ANK1: variants seen among roughly 807,000 people sequenced by gnomAD.
ANK1 encodes ankyrin-1.
Under a neutral mutation model 210.4 loss-of-function variants are expected in ANK1, and 51 were observed. The ratio of observed to expected loss-of-function variants is 0.24; its 90% CI spans 0.19 to 0.31. ANK1 has a LOEUF of 0.31. Ranked by LOEUF, ANK1 falls within the 10% of genes least tolerant of loss-of-function variation. The pLI is 1.00. For missense variants in ANK1, 2,051 were observed against 2,504.4 expected (o/e 0.82, Z 3.86); for synonymous variants, 967 against 1,025.9 (o/e 0.94, Z 1.10).
rs114810463 is a variant in ANK1 at position 41,831,171 on chromosome 8, C to T, written c.126+65184G>A. ...AAACTATGGACTCGTCATCTGACCT[C>T]TCAAGGCCTCCATTTCCCCATCTGT... is the stretch of plus-strand genomic sequence containing the variant. On this transcript the variant is annotated intron_variant, in intron 1 of 42. Transcript: ENST00000265709. Among the ~76,000 whole-genome samples the T allele has an allele frequency of 4.3e-3, 652 of 152,308 alleles. 3 individuals carry two copies. The highest frequency in any genetic ancestry group is 0.015 in the African/African-American group (638 of 41,576).
At chr8:41,789,236 A>C (rs375028309) in intron 1 of ANK1, 11 of 152,370 alleles carry the variant, frequency 7.2e-5, no homozygotes, top group African/African-American at 2.4e-4. Context: ...TAAAGGTAGG[A>C]AGATCTTCTT....
intron 1 of ANK1, among the ~76,000 whole-genome samples, chr8:41,772,107 C>T (rs1344366183): frequency 6.6e-6 from 1 of 152,212 alleles, no homozygotes; most frequent in Non-Finnish European, 1.5e-5. Context: ...GAGAGAAGGG[C>T]ATCCTGGCAG....
intron 1 of ANK1, among the ~76,000 whole-genome samples, chr8:41,791,327 A>G (rs1586971151): frequency 6.9e-6 from 1 of 145,832 alleles, no homozygotes; most frequent in Admixed American, 7.1e-5. Flanking sequence ...GCCTACCACC[A>G]TGCCTGGCTA....
intron 37 of ANK1, among the ~76,000 whole-genome samples, chr8:41,683,310 T>C (rs72638978): frequency 0.011 from 1,612 of 152,066 alleles, 15 homozygotes; most frequent in Non-Finnish European, 0.018. Context: ...AGAGAGGCAA[T>C]GGGACGTGAT....
intron 42 of ANK1, chr8:41,660,322 T>C (rs1209053497): frequency 9.2e-6 from 4 of 435,034 alleles, no homozygotes; most frequent in African/African-American, 6.3e-5. Flanking sequence ...TGCAGAAAGC[T>C]AGAGCCTCCT....
chr8:41,743,524 G>C (rs1835301504), intron 2 of ANK1, among the ~76,000 whole-genome samples: 1 of 152,130 alleles, frequency 6.6e-6, no homozygotes, highest in African/African-American at 2.4e-5. Flanking sequence ...TCCCCACCCA[G>C]CTGGAGATGT....
At chr8:41,798,448 C>T (rs1849255296), upstream of ANK1, among the ~76,000 whole-genome samples, 1 of 152,234 alleles carries the variant, frequency 6.6e-6, no homozygotes, top group Non-Finnish European at 1.5e-5. Context: ...CAGGCGGTCC[C>T]GCAGCTGCCA....
chr8:41,743,136 A>C (rs1440384203), intron 2 of ANK1, among the ~76,000 whole-genome samples: 2 of 152,182 alleles, frequency 1.3e-5, no homozygotes, highest in Non-Finnish European at 2.9e-5. Flanking sequence ...TTACGTTTGC[A>C]GGTCTGCAGC....
At chr8:41,717,791 A>T in intron 11 of ANK1, 89 bp from the exon 12 acceptor site, 1 of 1,239,240 alleles carries the variant, frequency 8.1e-7, no homozygotes, top group Admixed American at 2.0e-5. Flanking sequence ...ACGCTTTCAC[A>T]AATGATTTTC....
intron 1 of ANK1, among the ~76,000 whole-genome samples, chr8:41,792,775 A>G (rs1848003540): frequency 6.6e-6 from 1 of 152,238 alleles, no homozygotes; most frequent in Admixed American, 6.5e-5. Context: ...AGAGTATCTA[A>G]AAAGTCATCC....
chr8:41,852,375 T>A (rs1226216601), intron 1 of ANK1, among the ~76,000 whole-genome samples: 1 of 152,216 alleles, frequency 6.6e-6, no homozygotes. Flanking sequence ...GAGGCCCCTG[T>A]GACATCTTGG....
At chr8:41,725,708 C>T in intron 6 of ANK1, 53 bp downstream of exon 6, 1 of 1,576,940 alleles carries the variant, frequency 6.3e-7, no homozygotes, top group Non-Finnish European at 8.6e-7. Context: ...GCGGTGCCCC[C>T]TGAGCCCACG....
intron 22 of ANK1, 115 bp from the exon 23 acceptor site, chr8:41,699,663 A>G: frequency 1.1e-6 from 1 of 941,082 alleles, no homozygotes; most frequent in Admixed American, 1.8e-5. Flanking sequence ...GGAGTGGGGA[A>G]GGTCTTGATG....
chr8:41,857,381 C>T (rs1434810776), intron 1 of ANK1, among the ~76,000 whole-genome samples: 3 of 150,516 alleles, frequency 2.0e-5, no homozygotes, highest in East Asian at 2.0e-4. Flanking sequence ...GTGGATCAAC[C>T]GAGGTCAGGA....
At chr8:41,747,022 G>A (rs114855824) in intron 2 of ANK1, among the ~76,000 whole-genome samples, 70 of 152,114 alleles carry the variant, frequency 4.6e-4, no homozygotes, top group African/African-American at 1.5e-3. Flanking sequence ...TTCCAGTTTC[G>A]TCTGAATTCC....
chr8:41,763,881 C>CTTTTTTGTTTTTTTTTTTTTTTTTTTT, intron 1 of ANK1, among the ~76,000 whole-genome samples: 1 of 72,142 alleles, frequency 1.4e-5, no homozygotes, highest in Non-Finnish European at 2.7e-5. Context: ...TTCTTTTTTT[C>CTTTTTTGTTTTTTTTTTTTTTTTTTTT]TTTTTTTCTT....
intron 2 of ANK1, among the ~76,000 whole-genome samples, chr8:41,754,732 G>A (rs537745590): frequency 4.6e-5 from 7 of 152,322 alleles, no homozygotes; most frequent in African/African-American, 1.4e-4. Flanking sequence ...CCCGCTGGGT[G>A]CATTCGTGGG....
intron 1 of ANK1, among the ~76,000 whole-genome samples, chr8:41,805,297 C>T (rs1170054927): frequency 6.6e-6 from 1 of 151,768 alleles, no homozygotes; most frequent in Non-Finnish European, 1.5e-5. Context: ...GGTAGGGGCA[C>T]ATTGTTACAA....
Position 41,839,750 on chromosome 8 carries a change from C to T in ANK1, c.126+56605G>A, listed in dbSNP as rs559525796. Among the ~76,000 whole-genome samples the T allele has an allele frequency of 7.9e-5, 12 of 152,156 alleles. No homozygotes were observed. In the South Asian group the frequency reaches 2.5e-3, roughly 32 times the overall value. ...CAAAGACAAGGAAAATCTGAGACAC[C>T]GTCACAGCCAAAAGGAACCTAAAGA... On this transcript the variant is annotated intron_variant, in intron 1 of 42. Coordinates refer to the ANK1 transcript ENST00000265709.
Sources: gnomAD v4.1 joint callset for allele counts (sites outside exome capture counted in the v4.1 genomes callset) on GRCh38, gnomAD v4.1.1 for gene constraint, MANE v1.5 for transcripts, NCBI Gene and HGNC (gene_info 2026-07-23, HGNC 2026-07-21) for gene names.